The following PLEKHA5 variants were observed in gnomAD, a reference collection of about 807,000 sequenced individuals.
The protein encoded by PLEKHA5 is pleckstrin homology domain containing A5.
In PLEKHA5, 55 loss-of-function variants were observed where a neutral mutation model predicts 181.9. That is an observed-to-expected ratio of 0.30 (90% CI 0.24 to 0.38). The LOEUF (loss-of-function observed/expected upper bound fraction) is 0.38, where lower values mean the gene tolerates loss of function less well. Among genes scored for constraint, PLEKHA5 ranks in the 10% least tolerant of loss-of-function variants. The pLI is 1.00. For missense variants in PLEKHA5, 1,432 were observed against 1,549.5 expected, an observed-to-expected ratio of 0.92 and a Z score of 1.27; for synonymous variants, 535 against 529.4, an observed-to-expected ratio of 1.01 and a Z score of -0.15.
intron 3 of PLEKHA5, among the ~76,000 whole-genome samples, chr12:19,227,239 C>G (rs1322420835): frequency 2.6e-5 from 4 of 151,240 alleles, no homozygotes; most frequent in Non-Finnish European, 5.9e-5. Flanking sequence ...CTCTTCCTTC[C>G]AACTTTCTTC....
At chr12:19,175,233 A>G (rs2151744571) in intron 3 of PLEKHA5, among the ~76,000 whole-genome samples, 1 of 152,334 alleles carries the variant, frequency 6.6e-6, no homozygotes, top group South Asian at 2.1e-4. Context: ...TAAAATGCTC[A>G]TTCATCAGTT....
chr12:19,152,278 C>A (rs913216089), intron 3 of PLEKHA5: 4 of 152,174 alleles, frequency 2.6e-5, no homozygotes, highest in Non-Finnish European at 5.9e-5. Context: ...ACCAAAACTT[C>A]ATAATCTTTA....
intron 21 of PLEKHA5, among the ~76,000 whole-genome samples, chr12:19,337,225 T>C (rs1035465424): frequency 6.6e-6 from 1 of 152,024 alleles, no homozygotes; most frequent in African/African-American, 2.4e-5. Flanking sequence ...GAGACCTAGT[T>C]CCAAGGGTTA....
intron 7 of PLEKHA5, among the ~76,000 whole-genome samples, chr12:19,262,990 G>A (rs1279271777): frequency 6.6e-6 from 1 of 151,888 alleles, no homozygotes; most frequent in Non-Finnish European, 1.5e-5. Flanking sequence ...TCCCAGATGG[G>A]GAATATAAAA....
chr12:19,309,712 T>C (rs2085695258), intron 15 of PLEKHA5, among the ~76,000 whole-genome samples: 1 of 151,732 alleles, frequency 6.6e-6, no homozygotes. Flanking sequence ...GCCACTGCAC[T>C]CCAGCCTGGG....
At chr12:19,163,950 C>A (rs1315562771) in intron 3 of PLEKHA5, among the ~76,000 whole-genome samples, 1 of 152,136 alleles carries the variant, frequency 6.6e-6, no homozygotes, top group Non-Finnish European at 1.5e-5. Context: ...ATTTTTACTT[C>A]CATTCTTTCT....
chr12:19,186,676 C>G (rs1234734304), intron 3 of PLEKHA5, among the ~76,000 whole-genome samples: 1 of 152,066 alleles, frequency 6.6e-6, no homozygotes, highest in East Asian at 1.9e-4. Context: ...AGCTCTCAAC[C>G]TCTTGTTTTT....
At chr12:19,138,884 G>A (rs2036477538) in intron 3 of PLEKHA5, among the ~76,000 whole-genome samples, 1 of 152,108 alleles carries the variant, frequency 6.6e-6, no homozygotes, top group African/African-American at 2.4e-5. Flanking sequence ...TACTGTGTCC[G>A]GTCTTTGAAT....
chr12:19,282,402 G>A (rs950775958), intron 11 of PLEKHA5, among the ~76,000 whole-genome samples: 52 of 152,130 alleles, frequency 3.4e-4, no homozygotes, highest in Middle Eastern at 6.3e-3. Flanking sequence ...CTGAGCATCA[G>A]CTCCAAGTCA....
chr12:19,184,182 TAAG>T (rs1407428338), intron 3 of PLEKHA5, among the ~76,000 whole-genome samples: 4 of 152,212 alleles, frequency 2.6e-5, no homozygotes, highest in African/African-American at 9.6e-5. Context: ...ATGAAAAAGA[TAAG>T]AAGAAAGTAG....
chr12:19,179,392 C>T (rs186767115), intron 3 of PLEKHA5, among the ~76,000 whole-genome samples: 19 of 152,328 alleles, frequency 1.2e-4, no homozygotes, highest in Admixed American at 2.6e-4. Context: ...CGTGGTGGCT[C>T]ACACCTGTAA....
intron 12 of PLEKHA5, among the ~76,000 whole-genome samples, chr12:19,286,052 TAAC>T (rs1167158488): frequency 6.6e-6 from 1 of 152,240 alleles, no homozygotes; most frequent in African/African-American, 2.4e-5. Context: ...TTGTTACTGA[TAAC>T]AACGTTTGAG....
intron 7 of PLEKHA5, among the ~76,000 whole-genome samples, chr12:19,263,340 C>T (rs563551415): frequency 2.6e-5 from 4 of 152,248 alleles, no homozygotes; most frequent in South Asian, 4.1e-4. Context: ...TCTCACAATT[C>T]GCAAGTGGCA....
chr12:19,311,555 A>G (rs1310668962), intron 15 of PLEKHA5, among the ~76,000 whole-genome samples: 1 of 152,192 alleles, frequency 6.6e-6, no homozygotes, highest in Non-Finnish European at 1.5e-5. Context: ...AACAATGTTC[A>G]CAGTACCTTC....
intron 21 of PLEKHA5, among the ~76,000 whole-genome samples, chr12:19,339,164 C>G (rs1187327834): frequency 1.3e-5 from 2 of 151,714 alleles, no homozygotes; most frequent in Non-Finnish European, 2.9e-5. Flanking sequence ...CCTCAGCCTT[C>G]CTAGTAGCTG....
intron 6 of PLEKHA5, among the ~76,000 whole-genome samples, chr12:19,260,493 A>G (rs548901891): frequency 2.0e-5 from 3 of 152,260 alleles, no homozygotes; most frequent in East Asian, 3.9e-4. Context: ...ACTACCTCCA[A>G]ATTTTTAATT....
At chr12:19,145,822 C>T (rs2038785456) in intron 3 of PLEKHA5, among the ~76,000 whole-genome samples, 1 of 151,940 alleles carries the variant, frequency 6.6e-6, no homozygotes, top group South Asian at 2.1e-4. Context: ...AGGCTGTATT[C>T]GTAGTTGAGC....
intron 3 of PLEKHA5, among the ~76,000 whole-genome samples, chr12:19,194,538 T>C (rs2052154850): frequency 6.6e-6 from 1 of 152,184 alleles, no homozygotes; most frequent in Non-Finnish European, 1.5e-5. Flanking sequence ...TCCATAGAGG[T>C]TGTACAAATT....
chr12:19,164,644 C>T (rs1030675398), intron 3 of PLEKHA5, among the ~76,000 whole-genome samples: 2 of 152,144 alleles, frequency 1.3e-5, no homozygotes, highest in Non-Finnish European at 2.9e-5. Context: ...CATCTCTGTG[C>T]TTCTCTGAAG....
Sources: allele counts gnomAD v4.1 joint callset (sites outside exome capture counted in the v4.1 genomes callset), GRCh38; gene constraint gnomAD v4.1.1; transcripts MANE v1.5; gene names NCBI Gene and HGNC (gene_info 2026-07-23, HGNC 2026-07-21).